MTDH: variants seen among roughly 807,000 people sequenced by gnomAD.
MTDH encodes the protein protein LYRIC.
MTDH carries 34 observed loss-of-function variants against 72.7 expected under a neutral mutation model. That is an observed-to-expected ratio of 0.47 (90% CI 0.36 to 0.62). MTDH has a LOEUF of 0.62. MTDH is among the 20% of genes least tolerant of loss of function. The pLI is 0.00. For missense variants in MTDH, 677 were observed against 699.4 expected (o/e 0.97, Z 0.36); for synonymous variants, 266 against 268.9 (o/e 0.99, Z 0.10).
intron 7 of MTDH, among the ~76,000 whole-genome samples, chr8:97,702,064 A>G (rs1814152534): frequency 1.3e-5 from 2 of 152,198 alleles, no homozygotes; most frequent in African/African-American, 2.4e-5. Context: ...TGAATTTCTA[A>G]AATGAATGAT....
intron 10 of MTDH, among the ~76,000 whole-genome samples, chr8:97,720,851 A>G (rs1815092841): frequency 6.6e-6 from 1 of 151,248 alleles, no homozygotes; most frequent in African/African-American, 2.4e-5. Flanking sequence ...ATGGGGTTTC[A>G]CCTTGTTGGC....
At chr8:97,651,155 A>G (rs2516350) in intron 1 of MTDH, among the ~76,000 whole-genome samples, 71,659 of 152,060 alleles carry the variant, frequency 0.47, 19,718 homozygotes, top group African/African-American at 0.75. Flanking sequence ...AAAGTGCAAA[A>G]TTAGGTCCAA....
At chr8:97,701,126 A>C (rs1403165441) in intron 7 of MTDH, among the ~76,000 whole-genome samples, 3 of 152,104 alleles carry the variant, frequency 2.0e-5, no homozygotes, top group Non-Finnish European at 4.4e-5. Flanking sequence ...TCGAGCAAAT[A>C]ATGTGTCATA....
intron 2 of MTDH, among the ~76,000 whole-genome samples, chr8:97,682,831 TATATG>T (rs1813189880): frequency 6.6e-6 from 1 of 151,972 alleles, no homozygotes; most frequent in South Asian, 2.1e-4. Context: ...AAAATAACCT[TATATG>T]AGGTTAGTAG....
intron 1 of MTDH, among the ~76,000 whole-genome samples, chr8:97,656,500 A>G (rs1328918143): frequency 6.6e-6 from 1 of 151,114 alleles, no homozygotes; most frequent in African/African-American, 2.4e-5. Flanking sequence ...ACGGGGTTTC[A>G]CCATGTTGGC....
At position 97,728,133 on chromosome 8, in the gene MTDH, A is replaced by G. The variant is rs1201788622; in HGVS notation, c.*3463A>G. The G allele has an allele frequency of 6.6e-6, 1 of 152,034 alleles. No homozygotes were observed. Among genetic ancestry groups the G allele is most frequent in the Non-Finnish European group, 1.5e-5 (1 of 68,026 alleles). The allele number at this position is 152,034 out of a possible 1,614,324, so 9.4% of individuals were successfully genotyped here. ...TTTAGAGTTTAGGTTTAAGATGTCTACTAGATATCTTTAAGATTTTCCTGT... is the reference window on the plus strand; with the variant it reads ...TTTAGAGTTTAGGTTTAAGATGTCTGCTAGATATCTTTAAGATTTTCCTGT... On this transcript the variant is annotated 3_prime_UTR_variant, in exon 12 of 12. Coordinates refer to ENST00000336273, the MANE Select transcript of MTDH (RefSeq NM_178812.4).
intron 8 of MTDH, among the ~76,000 whole-genome samples, chr8:97,708,176 G>T (rs2131052154): frequency 6.6e-6 from 1 of 150,400 alleles, no homozygotes; most frequent in East Asian, 2.0e-4. Context: ...TGTTGGTCAG[G>T]CTGGTTTCGA....
At chr8:97,679,601 T>C (rs1460527158) in intron 2 of MTDH, among the ~76,000 whole-genome samples, 1 of 152,218 alleles carries the variant, frequency 6.6e-6, no homozygotes, top group Non-Finnish European at 1.5e-5. Flanking sequence ...TTAAAATGAA[T>C]GCATTTAGAA....
chr8:97,687,309 T>A lies in MTDH; in HGVS notation c.569-120T>A, dbSNP rs1050117124. On this transcript the variant is annotated intron_variant, in intron 3 of 11. Coordinates refer to ENST00000336273, the MANE Select transcript of MTDH (RefSeq NM_178812.4). ...TTAATATAATCAACACTCTTGGTTT[T>A]AGCTTAACATCTAAATTTATCATGA... 5.0e-6 allele frequency: 4 copies of A among 792,936 alleles called. No individual in the cohort carries two copies. In the African/African-American group the frequency reaches 7.1e-5, roughly 14 times the overall value. 49.1% of individuals were successfully genotyped at this position (792,936 alleles called of 1,614,324 possible).
chr8:97,679,574 A>G (rs945076490), intron 2 of MTDH, among the ~76,000 whole-genome samples: 1 of 152,204 alleles, frequency 6.6e-6, no homozygotes, highest in Non-Finnish European at 1.5e-5. Context: ...AAGTATAACA[A>G]TATTTAATAC....
chr8:97,660,098 G>GC (rs1554574305), intron 1 of MTDH, among the ~76,000 whole-genome samples: 1 of 152,142 alleles, frequency 6.6e-6, no homozygotes, highest in Non-Finnish European at 1.5e-5. Flanking sequence ...GGCAGAGGTT[G>GC]CAGTGAGCCG....
At position 97,724,643 on chromosome 8, in the gene MTDH, G is replaced by T. The variant is rs768363342; in HGVS notation, c.1722G>T (p.Lys574Asn). ...TSWESPKQIKKKKKARRET is the reference protein window; with the variant it reads ...TSWESPKQIKNKKKARRET ...GGGAATCTCCCAAACAAATAAAAAA[G>T]AAGAAAAAAGCCAGACGAGAAACGT... Residue 574 changes from lysine (K) to asparagine (N), a missense_variant, in exon 12 of 12, where the codon AAG becomes AAT. Lys to Asn is a moderately conservative substitution (Grantham distance 94, BLOSUM62 0). This residue lies in a region of MTDH where 201 missense variants were observed against 204.5 expected (regional missense o/e 0.98). Transcript: ENST00000336273. The T allele has an allele frequency of 6.3e-7, 1 of 1,593,582 alleles. No homozygotes were observed.
intron 7 of MTDH, among the ~76,000 whole-genome samples, chr8:97,703,127 A>G (rs1442251334): frequency 6.6e-6 from 1 of 152,172 alleles, no homozygotes; most frequent in South Asian, 2.1e-4. Context: ...CACTTTGGGA[A>G]GCCAAGGTGC....
At chr8:97,713,107 C>T (rs894431154) in intron 8 of MTDH, among the ~76,000 whole-genome samples, 23 of 151,906 alleles carry the variant, frequency 1.5e-4, no homozygotes, top group African/African-American at 4.6e-4. Flanking sequence ...ATTTTTGAGA[C>T]GGAGTCTCAC....
intron 7 of MTDH, among the ~76,000 whole-genome samples, chr8:97,704,460 T>C (rs773682668): frequency 2.6e-5 from 4 of 152,080 alleles, no homozygotes; most frequent in African/African-American, 4.8e-5. Context: ...GTTTAAAAAT[T>C]AGCCAGGCAT....
At chr8:97,651,528 C>T (rs1811772297) in intron 1 of MTDH, among the ~76,000 whole-genome samples, 1 of 152,208 alleles carries the variant, frequency 6.6e-6, no homozygotes, top group Non-Finnish European at 1.5e-5. Context: ...GGAGGCTTGA[C>T]CTCAGCTGGG....
intron 9 of MTDH, among the ~76,000 whole-genome samples, chr8:97,718,757 T>G (rs922566963): frequency 8.6e-5 from 13 of 151,720 alleles, no homozygotes; most frequent in Non-Finnish European, 1.5e-4. Flanking sequence ...AGTACAGTGG[T>G]GTGATCACAG....
chr8:97,685,780 T>C (rs763712572), intron 2 of MTDH, among the ~76,000 whole-genome samples: 23 of 150,430 alleles, frequency 1.5e-4, no homozygotes, highest in Non-Finnish European at 2.2e-4. Context: ...AAAAAGATAG[T>C]GTGCAGTAGT....
intron 1 of MTDH, among the ~76,000 whole-genome samples, chr8:97,657,916 A>T (rs1027972002): frequency 3.3e-5 from 5 of 152,116 alleles, no homozygotes; most frequent in African/African-American, 1.2e-4. Flanking sequence ...GATCTATATA[A>T]TATGCTCCCA....
Sources: gnomAD v4.1 joint callset for allele counts (sites outside exome capture counted in the v4.1 genomes callset) on GRCh38, gnomAD v4.1.1 for gene constraint, gnomAD v4.1.1 regional missense constraint, MANE v1.5 for transcripts, NCBI Gene and HGNC (gene_info 2026-07-23, HGNC 2026-07-21) for gene names.